Variants in DGLUCY observed in about 807,000 individuals in gnomAD.
DGLUCY encodes D-glutamate cyclase.
A neutral mutation model predicts 58.5 loss-of-function variants in DGLUCY; 58 were observed. The ratio of observed to expected loss-of-function variants is 0.99; its 90% CI spans 0.80 to 1.23. The LOEUF is 1.23. Ranked by LOEUF, DGLUCY falls within the 50% of genes most tolerant of loss-of-function variation. DGLUCY has a pLI of 0.00. For missense variants in DGLUCY, 779 were observed against 784.7 expected, an observed-to-expected ratio of 0.99 and a Z score of 0.09; for synonymous variants, 325 against 314.1, an observed-to-expected ratio of 1.03 and a Z score of -0.37.
rs58796024 is a variant in DGLUCY, at chr14:91,187,400, T to G, written c.935-1510T>G. Among the ~76,000 whole-genome samples the G allele has an allele frequency of 5.1e-3, 782 of 152,306 alleles. 8 individuals are homozygous for G. The highest frequency in any genetic ancestry group is 0.017 in the Middle Eastern group (5 of 294). On this transcript the variant is annotated intron_variant, in intron 8 of 13. Coordinates refer to ENST00000256324, the MANE Select transcript of DGLUCY (RefSeq NM_001102368.3). Reference sequence around the variant, plus strand: ...ATTTCAGCCACCGCCAGAGTAGAAGTTCTGTGTCCCACACACTGCCTTCGC... The same window carrying G: ...ATTTCAGCCACCGCCAGAGTAGAAGGTCTGTGTCCCACACACTGCCTTCGC...
intron 1 of DGLUCY, among the ~76,000 whole-genome samples, chr14:91,123,890 T>A (rs926574271): frequency 5.3e-5 from 8 of 151,882 alleles, no homozygotes; most frequent in Admixed American, 3.9e-4. Flanking sequence ...TTTTTTTCAA[T>A]GTTTTAACAG....
chr14:91,113,979 G>A (rs1395955341), upstream of DGLUCY: 1 of 152,328 alleles, frequency 6.6e-6, no homozygotes, highest in African/African-American at 2.4e-5. Context: ...TGGGCTTGCA[G>A]GGTCCAGCCA....
chr14:91,203,262 A>G (rs1363125773), intron 11 of DGLUCY, among the ~76,000 whole-genome samples: 2 of 152,258 alleles, frequency 1.3e-5, no homozygotes, highest in East Asian at 3.8e-4. Context: ...GTGTTCTGAG[A>G]AAAACCATCA....
chr14:91,185,271 A>ATTTTTTTTTTTTTTTTTTTT (rs35639010), intron 8 of DGLUCY, among the ~76,000 whole-genome samples: 1 of 38,342 alleles, frequency 2.6e-5, no homozygotes, highest in African/African-American at 9.6e-5. Flanking sequence ...GCCCAGCCGG[A>ATTTTTTTTTTTTTTTTTTTT]TTTTTTTTTT....
intron 8 of DGLUCY, among the ~76,000 whole-genome samples, chr14:91,187,719 C>T (rs1184896236): frequency 6.6e-6 from 1 of 152,216 alleles, no homozygotes; most frequent in Non-Finnish European, 1.5e-5. Context: ...GGACTCAACG[C>T]CCTAATAGGC....
chr14:91,149,407 C>T (rs1394991265), intron 1 of DGLUCY, among the ~76,000 whole-genome samples: 2 of 152,130 alleles, frequency 1.3e-5, no homozygotes. Flanking sequence ...ATGTGTGGAG[C>T]CCCCAGTCTC....
chr14:91,146,521 G>T (rs1019651861), intron 1 of DGLUCY, among the ~76,000 whole-genome samples: 3 of 152,106 alleles, frequency 2.0e-5, no homozygotes, highest in Non-Finnish European at 2.9e-5. Context: ...TCTCATATGG[G>T]GCTCCGAGCA....
At chr14:91,066,015 T>G (rs2043812929) in intron 1 of DGLUCY, among the ~76,000 whole-genome samples, 2 of 151,662 alleles carry the variant, frequency 1.3e-5, no homozygotes, top group Non-Finnish European at 2.9e-5. Context: ...CAGCAAAAGG[T>G]CAGATTTCTG....
intron 1 of DGLUCY, among the ~76,000 whole-genome samples, chr14:91,115,883 T>G (rs941675): frequency 0.84 from 127,474 of 152,204 alleles, 53,745 homozygotes; most frequent in East Asian, 1. Flanking sequence ...GCTGGCGCTG[T>G]AGCTGCTGGT....
In DGLUCY at chr14:91,176,414, C is replaced by T. The variant is rs563766489; in HGVS notation, c.730+358C>T. Reference sequence around the variant, plus strand: ...CTAATTTTTGTATTTTTAGTAGAGACGGGGTTTCACCATGTTGGCCAGGAT... The same window carrying T: ...CTAATTTTTGTATTTTTAGTAGAGATGGGGTTTCACCATGTTGGCCAGGAT... On this transcript the variant is annotated intron_variant, in intron 7 of 13. Transcript: ENST00000256324. 7.2e-4 allele frequency among the ~76,000 whole-genome samples: 109 copies of T among 152,016 alleles called. 1 individual carries two copies. Among genetic ancestry groups the T allele is most frequent in the Admixed American group, 4.1e-3 (63 of 15,264 alleles).
chr14:91,214,346 C>T (rs909224373), intron 12 of DGLUCY, among the ~76,000 whole-genome samples: 2 of 152,164 alleles, frequency 1.3e-5, no homozygotes, highest in Admixed American at 1.3e-4. Flanking sequence ...AGAACTCAAG[C>T]AGGTTTCAGG....
chr14:91,122,087 G>A lies in DGLUCY; in HGVS notation c.-82+7804G>A, dbSNP rs568437595. Among the ~76,000 whole-genome samples, 7 of 151,156 alleles carry A rather than the reference G, an allele frequency of 4.6e-5. No individual in the cohort carries two copies. The East Asian group carries it at 1.4e-3, about 29-fold the overall frequency. On this transcript the variant is annotated intron_variant, in intron 1 of 13. Transcript: ENST00000256324. The stretch of plus-strand genomic sequence containing the variant: ...CTAGATTGCCTTGAAATCAGGCTCT[G>A]TATGATATCTTTTTTTTTTCTCTTA...
chr14:91,173,523 C>A (rs911590119), intron 6 of DGLUCY, 84 bp downstream of exon 6: 3 of 1,407,824 alleles, frequency 2.1e-6, no homozygotes, highest in Non-Finnish European at 2.8e-6. Context: ...CCCATGATCC[C>A]CCTGTTCACA....
intron 1 of DGLUCY, among the ~76,000 whole-genome samples, chr14:91,080,156 T>C (rs2140045025): frequency 6.6e-6 from 1 of 152,348 alleles, no homozygotes; most frequent in South Asian, 2.1e-4. Flanking sequence ...ATGGCTTGTG[T>C]ATATATACCA....
upstream of DGLUCY, among the ~76,000 whole-genome samples, chr14:91,104,065 T>TTTTTTTTTTC (rs1555391203): frequency 4.6e-3 from 23 of 5,018 alleles, 1 homozygote; most frequent in Admixed American, 6.9e-3. Flanking sequence ...AACATTCTTT[T>TTTTTTTTTTC]TTTTTTTTTT....
At chr14:91,152,935 C>T (rs906099814) in intron 1 of DGLUCY, among the ~76,000 whole-genome samples, 1 of 152,160 alleles carries the variant, frequency 6.6e-6, no homozygotes, top group Non-Finnish European at 1.5e-5. Context: ...AAGGTGTTTC[C>T]TGTCGTTGTG....
chr14:91,074,932 T>A (rs577112499), intron 1 of DGLUCY, among the ~76,000 whole-genome samples: 1 of 151,730 alleles, frequency 6.6e-6, no homozygotes. Context: ...ATTAGCCGGG[T>A]GTGGTGGCGC....
At chr14:91,093,863 C>T (rs2044351342) in intron 1 of DGLUCY, among the ~76,000 whole-genome samples, 1 of 151,938 alleles carries the variant, frequency 6.6e-6, no homozygotes, top group African/African-American at 2.4e-5. Flanking sequence ...CACAAAAGGT[C>T]ACATCTTGTA....
At chr14:91,085,570 T>G (rs951348543) in intron 1 of DGLUCY, among the ~76,000 whole-genome samples, 4 of 151,440 alleles carry the variant, frequency 2.6e-5, no homozygotes, top group Non-Finnish European at 4.4e-5. Flanking sequence ...TTTGTTTTTT[T>G]TTTTTTTTAG....
Sources: gnomAD v4.1 joint callset for allele counts (sites outside exome capture counted in the v4.1 genomes callset) on GRCh38, gnomAD v4.1.1 for gene constraint, MANE v1.5 for transcripts, NCBI Gene and HGNC (gene_info 2026-07-23, HGNC 2026-07-21) for gene names.